FAF1: variants seen among roughly 807,000 people sequenced by gnomAD.
FAF1 encodes the protein Fas associated factor 1.
In FAF1, 25 loss-of-function variants were observed where a neutral mutation model predicts 92.5. The observed-to-expected ratio is 0.27, with a 90% CI of 0.20 to 0.38. FAF1 has a LOEUF of 0.38. Ranked by LOEUF, FAF1 falls within the 10% of genes least tolerant of loss-of-function variation. FAF1 has a pLI of 1.00. For missense variants in FAF1, 636 were observed against 793.3 expected (o/e 0.80, Z 2.38); for synonymous variants, 234 against 273.2 (o/e 0.86, Z 1.42).
chr1:50,857,575 G>C (rs550488979), intron 2 of FAF1, among the ~76,000 whole-genome samples: 4 of 151,890 alleles, frequency 2.6e-5, no homozygotes, highest in South Asian at 4.2e-4. Flanking sequence ...AATTATCAGT[G>C]AAGGCCCCAG....
At chr1:50,688,052 G>A (rs941329748) in intron 7 of FAF1, among the ~76,000 whole-genome samples, 17 of 151,704 alleles carry the variant, frequency 1.1e-4, no homozygotes, top group African/African-American at 3.4e-4. Context: ...GAAGAACAGC[G>A]TGAACCCGGG....
chr1:50,790,528 T>A (rs1320797935), intron 3 of FAF1, among the ~76,000 whole-genome samples: 2 of 152,082 alleles, frequency 1.3e-5, no homozygotes, highest in African/African-American at 4.8e-5. Context: ...AACTAACGAG[T>A]AGAGGAATAA....
At chr1:50,673,387 A>C (rs1243265060) in intron 7 of FAF1, among the ~76,000 whole-genome samples, 1 of 152,246 alleles carries the variant, frequency 6.6e-6, no homozygotes, top group Non-Finnish European at 1.5e-5. Flanking sequence ...CTAATAATTC[A>C]TGAGCATCCA....
At chr1:50,877,605 T>C (rs1427130291) in intron 1 of FAF1, among the ~76,000 whole-genome samples, 1 of 152,118 alleles carries the variant, frequency 6.6e-6, no homozygotes, top group Non-Finnish European at 1.5e-5. Context: ...ATGTTTATAA[T>C]AAATATTTAT....
Position 50,438,100 on chromosome 1 carries a change from G to A in FAF1, c.*3340C>T, listed in dbSNP as rs991796346. ...TGGAAAATTAGAGTTAGCACTTTAA[G>A]TCCTGACCCTTCTACTGACATGCTG... On this transcript the variant is annotated 3_prime_UTR_variant, in exon 19 of 19. Transcript: ENST00000396153. 6.7e-6 allele frequency: 1 copy of A among 148,280 alleles called. No individual in the cohort carries two copies. Among genetic ancestry groups the A allele is most frequent in the African/African-American group, 2.5e-5 (1 of 40,160 alleles). The allele number at this position is 148,280 out of a possible 1,614,324, so 9.2% of individuals were successfully genotyped here.
intron 15 of FAF1, among the ~76,000 whole-genome samples, chr1:50,532,965 C>T (rs1329182061): frequency 6.6e-6 from 1 of 152,140 alleles, no homozygotes; most frequent in African/African-American, 2.4e-5. Context: ...GCATGCACCA[C>T]CATGCCCAGC....
Position 50,926,536 on chromosome 1 carries a change from A to G in FAF1, c.45+33231T>C, listed in dbSNP as rs533811327. ...GCGCTGTGGGGTGACATGGTTAACT[A>G]TAATTTATTGTATATTTTCAAAAAG... is the stretch of plus-strand genomic sequence containing the variant. On this transcript the variant is annotated intron_variant, in intron 1 of 18. Transcript: ENST00000396153. Among the ~76,000 whole-genome samples, 5 of 152,252 alleles carry G rather than the reference A, an allele frequency of 3.3e-5. 1 individual carries two copies. In the South Asian group the frequency reaches 1.0e-3, roughly 32 times the overall value.
intron 7 of FAF1, among the ~76,000 whole-genome samples, chr1:50,657,077 T>C (rs1435588936): frequency 6.6e-6 from 1 of 151,848 alleles, no homozygotes; most frequent in Non-Finnish European, 1.5e-5. Flanking sequence ...CTAGGCATGG[T>C]GGCTCATGCC....
At chr1:50,806,028 T>C (rs543894628) in intron 2 of FAF1, among the ~76,000 whole-genome samples, 2 of 151,934 alleles carry the variant, frequency 1.3e-5, no homozygotes, top group Non-Finnish European at 2.9e-5. Context: ...AATTGGACAT[T>C]AAAATTCATA....
intron 8 of FAF1, among the ~76,000 whole-genome samples, chr1:50,610,433 G>T (rs1185523328): frequency 1.3e-5 from 2 of 152,030 alleles, no homozygotes; most frequent in African/African-American, 2.4e-5. Flanking sequence ...ATATCAAAAA[G>T]AAACCATGTT....
At chr1:50,938,855 C>T (rs1397938513) in intron 1 of FAF1, among the ~76,000 whole-genome samples, 1 of 152,086 alleles carries the variant, frequency 6.6e-6, no homozygotes, top group Admixed American at 6.6e-5. Context: ...TTTTTGTCAG[C>T]CTTGTCAAAT....
At chr1:50,606,148 T>C (rs1381428658) in intron 8 of FAF1, among the ~76,000 whole-genome samples, 1 of 152,228 alleles carries the variant, frequency 6.6e-6, no homozygotes, top group African/African-American at 2.4e-5. Flanking sequence ...AGGATTATCA[T>C]ATAGGTGTTT....
chr1:50,609,409 A>G (rs1652590747), intron 8 of FAF1, among the ~76,000 whole-genome samples: 1 of 152,078 alleles, frequency 6.6e-6, no homozygotes, highest in Non-Finnish European at 1.5e-5. Flanking sequence ...ATTTGAGGCA[A>G]GGTCTCACTC....
chr1:50,600,597 TCAA>T (rs1652059835), intron 8 of FAF1, among the ~76,000 whole-genome samples: 1 of 152,162 alleles, frequency 6.6e-6, no homozygotes, highest in African/African-American at 2.4e-5. Context: ...TAGTTTAGTA[TCAA>T]AGAATAATAT....
chr1:50,640,829 A>ATTTTTT lies in FAF1; in HGVS notation c.744+14607_744+14612dup, dbSNP rs71059592. ...AGTCTAGCTAGGAGTTTATCAGCTGATTTTTTTTTTTTTTTTTTTTTTTGA... is the reference window on the plus strand; with the variant it reads ...AGTCTAGCTAGGAGTTTATCAGCTGATTTTTTTTTTTTTTTTTTTTTTTTTTTTTGA... On this transcript the variant is annotated intron_variant, in intron 8 of 18. Transcript: ENST00000396153. 6.1e-4 allele frequency among the ~76,000 whole-genome samples: 54 copies of ATTTTTT among 88,512 alleles called. 1 individual carries two copies. The highest frequency in any genetic ancestry group is 9.4e-4 in the Non-Finnish European group (47 of 50,148). 58.1% of individuals were successfully genotyped at this position (88,512 alleles called of 152,430 possible).
chr1:50,683,550 C>A (rs1340056349), intron 7 of FAF1, among the ~76,000 whole-genome samples: 3 of 150,886 alleles, frequency 2.0e-5, no homozygotes, highest in Non-Finnish European at 4.4e-5. Context: ...AAAATTATAT[C>A]CCAATTTCAA....
At chr1:50,798,125 C>T (rs566623600) in intron 3 of FAF1, among the ~76,000 whole-genome samples, 2 of 149,366 alleles carry the variant, frequency 1.3e-5, no homozygotes, top group Admixed American at 6.6e-5. Flanking sequence ...TGAATCAAAT[C>T]AGATTTTTTA....
chr1:50,493,123 C>T (rs1646859972), intron 15 of FAF1, among the ~76,000 whole-genome samples: 1 of 151,386 alleles, frequency 6.6e-6, no homozygotes, highest in Admixed American at 6.6e-5. Context: ...CCTTCAGCCT[C>T]CTGGGTTCAA....
chr1:50,571,969 T>C (rs992424267), intron 12 of FAF1, among the ~76,000 whole-genome samples: 11 of 152,016 alleles, frequency 7.2e-5, no homozygotes, highest in African/African-American at 2.2e-4. Context: ...TTTCTGGGAA[T>C]GGTACAATGT....
Sources: allele counts gnomAD v4.1 joint callset (sites outside exome capture counted in the v4.1 genomes callset), GRCh38; gene constraint gnomAD v4.1.1; transcripts MANE v1.5; gene names NCBI Gene and HGNC (gene_info 2026-07-23, HGNC 2026-07-21).